The following SLC14A2 variants were observed in gnomAD, a reference collection of about 807,000 sequenced individuals.
The protein encoded by SLC14A2 is solute carrier family 14 member 2, also known as urea transporter 2.
SLC14A2 carries 91 observed loss-of-function variants against 104.6 expected under a neutral mutation model. That is an observed-to-expected ratio of 0.87 (90% CI 0.73 to 1.04). SLC14A2 has a LOEUF of 1.04. SLC14A2 is among the 50% of genes least tolerant of loss of function. The pLI is 0.00. For synonymous variants in SLC14A2, 476 were observed against 466.4 expected (o/e 1.02, Z -0.27); for missense variants, 1,189 against 1,156.0 (o/e 1.03, Z -0.41).
At chr18:45,399,487 C>T (rs2086072356) in intron 1 of SLC14A2, among the ~76,000 whole-genome samples, 1 of 152,140 alleles carries the variant, frequency 6.6e-6, no homozygotes, top group African/African-American at 2.4e-5. Context: ...TGGATGTAGG[C>T]AGTCTAGCTG....
chr18:45,449,967 G>A (rs1450235011), intron 1 of SLC14A2, among the ~76,000 whole-genome samples: 3 of 152,090 alleles, frequency 2.0e-5, no homozygotes, highest in Admixed American at 6.6e-5. Context: ...AGAGATACAC[G>A]ATCACTTACA....
chr18:45,449,136 G>A (rs932854541), intron 1 of SLC14A2, among the ~76,000 whole-genome samples: 2 of 152,206 alleles, frequency 1.3e-5, no homozygotes, highest in Admixed American at 1.3e-4. Flanking sequence ...TTCCAGGCAG[G>A]CCAGTGCTTC....
At chr18:45,367,825 A>C (rs928930953) in intron 1 of SLC14A2, among the ~76,000 whole-genome samples, 1 of 152,178 alleles carries the variant, frequency 6.6e-6, no homozygotes, top group East Asian at 1.9e-4. Context: ...ATAAGAGGCT[A>C]TCTTGGCTCA....
intron 1 of SLC14A2, among the ~76,000 whole-genome samples, chr18:45,472,603 G>C (rs1012005480): frequency 1.4e-4 from 22 of 152,230 alleles, no homozygotes; most frequent in Admixed American, 1.4e-3. Flanking sequence ...TTGTGGTTTT[G>C]ATTTGCATTT....
intron 1 of SLC14A2, among the ~76,000 whole-genome samples, chr18:45,317,767 G>T (rs1465784720): frequency 6.6e-6 from 1 of 152,118 alleles, no homozygotes; most frequent in Non-Finnish European, 1.5e-5. Context: ...GAATGCCCTG[G>T]GCTTGACAGA....
chr18:45,240,091 C>CTTTTTTTTTTT, intron 1 of SLC14A2, among the ~76,000 whole-genome samples: 1 of 89,652 alleles, frequency 1.1e-5, no homozygotes, highest in Non-Finnish European at 2.0e-5. Context: ...GCAAATATCT[C>CTTTTTTTTTTT]TTTTTTTTTT....
At chr18:45,453,606 A>G (rs2086891281) in intron 1 of SLC14A2, among the ~76,000 whole-genome samples, 3 of 152,088 alleles carry the variant, frequency 2.0e-5, no homozygotes, top group Admixed American at 2.0e-4. Flanking sequence ...ATTAACTTTC[A>G]TTTTTAAATA....
At chr18:45,179,667 C>T in the SLC14A2 span, among the ~76,000 whole-genome samples, 2 of 152,078 alleles carry the variant, frequency 1.3e-5, no homozygotes, top group Admixed American at 6.6e-5. Context: ...AAAGAATATT[C>T]TCCAGGTGAA....
At chr18:45,599,471 C>G (rs1354026481) in intron 2 of SLC14A2, among the ~76,000 whole-genome samples, 1 of 152,180 alleles carries the variant, frequency 6.6e-6, no homozygotes, top group Non-Finnish European at 1.5e-5. Flanking sequence ...TGTTACCTGG[C>G]CCAATTTAAA....
chr18:45,261,256 A>G (rs1315496862), intron 1 of SLC14A2, among the ~76,000 whole-genome samples: 2 of 151,624 alleles, frequency 1.3e-5, no homozygotes, highest in Admixed American at 1.3e-4. Flanking sequence ...GAGTGAGAAC[A>G]TGCGGGGTTT....
intron 1 of SLC14A2, among the ~76,000 whole-genome samples, chr18:45,213,777 G>T (rs1291592817): frequency 6.6e-6 from 1 of 152,144 alleles, no homozygotes; most frequent in Admixed American, 6.5e-5. Flanking sequence ...TAATGATCCT[G>T]TTCAGGCTGC....
chr18:45,212,055 A>G (rs910150977), upstream of SLC14A2, among the ~76,000 whole-genome samples: 30 of 152,334 alleles, frequency 2.0e-4, no homozygotes, highest in African/African-American at 7.0e-4. Context: ...CATATATTGG[A>G]ATTAATTCTT....
At chr18:45,570,708 T>C (rs1353153820) in intron 2 of SLC14A2, among the ~76,000 whole-genome samples, 1 of 152,214 alleles carries the variant, frequency 6.6e-6, no homozygotes, top group Non-Finnish European at 1.5e-5. Context: ...ACCAGGACCA[T>C]GCACCTCCTC....
chr18:45,263,257 C>T (rs2084557880), intron 1 of SLC14A2, among the ~76,000 whole-genome samples: 1 of 152,092 alleles, frequency 6.6e-6, no homozygotes, highest in South Asian at 2.1e-4. Context: ...GATGTTTTCT[C>T]GTGATTGGAT....
chr18:45,298,041 A>G (rs1037465010), intron 1 of SLC14A2, among the ~76,000 whole-genome samples: 3 of 152,260 alleles, frequency 2.0e-5, no homozygotes, highest in South Asian at 4.1e-4. Context: ...ACAATCCTTC[A>G]AAGACAAATT....
chr18:45,444,398 C>A (rs2086730417), intron 1 of SLC14A2, among the ~76,000 whole-genome samples: 1 of 152,122 alleles, frequency 6.6e-6, no homozygotes, highest in Admixed American at 6.6e-5. Flanking sequence ...CACTCCAGCC[C>A]CAAAGTCAGT....
At chr18:45,569,320 A>G (rs764091834) in intron 2 of SLC14A2, among the ~76,000 whole-genome samples, 2 of 152,170 alleles carry the variant, frequency 1.3e-5, no homozygotes, top group Non-Finnish European at 2.9e-5. Flanking sequence ...GCTCTCAACT[A>G]TCTCCCTATT....
intron 1 of SLC14A2, among the ~76,000 whole-genome samples, chr18:45,220,947 T>A (rs1425162721): frequency 6.6e-6 from 1 of 152,198 alleles, no homozygotes; most frequent in Non-Finnish European, 1.5e-5. Flanking sequence ...ATTCCTGGTG[T>A]CTCTTTTCTG....
chr18:45,591,758 C>T (rs775415613), intron 2 of SLC14A2, among the ~76,000 whole-genome samples: 1 of 152,220 alleles, frequency 6.6e-6, no homozygotes, highest in Non-Finnish European at 1.5e-5. Context: ...CCCCACTATA[C>T]ACTAAGAGTT....
Sources: allele counts gnomAD v4.1 joint callset (sites outside exome capture counted in the v4.1 genomes callset), GRCh38; gene constraint gnomAD v4.1.1; transcripts MANE v1.5; gene names NCBI Gene and HGNC (gene_info 2026-07-23, HGNC 2026-07-21).